Variants in HIVEP2 observed in about 807,000 individuals in gnomAD.
HIVEP2 encodes transcription factor HIVEP2.
Under a neutral mutation model 180.7 loss-of-function variants are expected in HIVEP2, and 14 were observed. That is an observed-to-expected ratio of 0.08 (90% CI 0.05 to 0.12). HIVEP2 has a LOEUF of 0.12. HIVEP2 is among the 10% of genes least tolerant of loss of function. HIVEP2 has a pLI of 1.00. For synonymous variants in HIVEP2, 1,184 were observed against 1,136.4 expected (o/e 1.04, Z -0.84); for missense variants, 2,579 against 3,008.5 (o/e 0.86, Z 3.34).
Position 142,760,175 on chromosome 6 carries a change from T to C in HIVEP2, c.6113A>G (p.Asp2038Gly). 6.2e-7 allele frequency: 1 copy of C among 1,614,074 alleles called. No homozygotes were observed. Among genetic ancestry groups the C allele is most frequent in the Non-Finnish European group, 8.5e-7 (1 of 1,179,990 alleles). ...LPSEPSSSPR[D>G]FSPSSHHSSP... Reference sequence around the variant, plus strand: ...GGAATGGTGGCTTGAGGGTGAGAAGTCCCTGGGAGAGGAGCTTGGCTCTGA... The same window carrying C: ...GGAATGGTGGCTTGAGGGTGAGAAGCCCCTGGGAGAGGAGCTTGGCTCTGA... The change falls in exon 9 of 10, where the codon GAC becomes GGC. Residue 2038 changes from aspartate to glycine, a missense_variant. Transcript: ENST00000367603.
At chr6:142,887,678 A>C (rs1010385967) in intron 1 of HIVEP2, among the ~76,000 whole-genome samples, 1 of 152,194 alleles carries the variant, frequency 6.6e-6, no homozygotes, top group African/African-American at 2.4e-5. Context: ...TTTTTTGTTA[A>C]GAGAAAATGA....
chr6:142,769,881 C>T lies in HIVEP2; in HGVS notation c.4858G>A (p.Ala1620Thr), dbSNP rs930700248. 4 of 1,614,002 alleles carry T rather than the reference C, an allele frequency of 2.5e-6. No homozygotes were observed. In the African/African-American group the frequency reaches 5.3e-5, roughly 22 times the overall value. The change falls in exon 5 of 10, where the codon GCA (alanine) becomes ACA (threonine). Residue 1620 changes from alanine (A) to threonine (T), a missense_variant. Physicochemically the swap from Ala to Thr is moderately conservative, Grantham distance 58. Transcript: ENST00000367603. ...RMASAPSGNV[A>T]DSTLLLTDMA... ...TCCGTGAGAAGAAGAGTTGAGTCTG[C>T]CACGTTCCCGCTGGGGGCAGAGGCC...
intron 3 of HIVEP2, among the ~76,000 whole-genome samples, chr6:142,778,537 A>G (rs1204483045): frequency 6.6e-6 from 1 of 152,216 alleles, no homozygotes; most frequent in African/African-American, 2.4e-5. Flanking sequence ...TTATCATGGT[A>G]TTGATCTATG....
chr6:142,772,361 T>C lies in HIVEP2; in HGVS notation c.2378A>G (p.Lys793Arg). 1 of 1,614,240 alleles carries C rather than the reference T, an allele frequency of 6.2e-7. No individual in the cohort carries two copies. Among genetic ancestry groups the C allele is most frequent in the Non-Finnish European group, 8.5e-7 (1 of 1,180,038 alleles). Residue 793 changes from lysine to arginine, a missense_variant, in exon 5 of 10, where the codon AAA becomes AGA. By Grantham distance (26) the Lys-to-Arg change is conservative. This residue lies in a region of HIVEP2 where 524 missense variants were observed against 563.6 expected (regional missense o/e 0.93). Transcript: ENST00000367603. This position sits in a 1 kb window ranked among gnomAD's most constrained non-coding sequence, Gnocchi z 4.9. ...SDKMSDLGGRKPPGNVISVIQ... is the reference protein window; with the variant it reads ...SDKMSDLGGRRPPGNVISVIQ... ...CACAGAAATCACATTTCCAGGAGGTTTCCTGCCCCCTAGGTCTGACATCTT... is the reference window on the plus strand; with the variant it reads ...CACAGAAATCACATTTCCAGGAGGTCTCCTGCCCCCTAGGTCTGACATCTT...
chr6:142,755,048 G>A (rs1775029257), intron 9 of HIVEP2, among the ~76,000 whole-genome samples: 1 of 152,186 alleles, frequency 6.6e-6, no homozygotes, highest in Non-Finnish European at 1.5e-5. Flanking sequence ...AGTAGTCCAG[G>A]ATAGAGCCAA....
chr6:142,775,778 T>C (rs1775682212), intron 4 of HIVEP2, among the ~76,000 whole-genome samples: 1 of 151,624 alleles, frequency 6.6e-6, no homozygotes, highest in Non-Finnish European at 1.5e-5. Flanking sequence ...GAGGTTGCAG[T>C]GAGCTGACAT....
chr6:142,892,018 T>C (rs992857381), intron 1 of HIVEP2, among the ~76,000 whole-genome samples: 2 of 152,216 alleles, frequency 1.3e-5, no homozygotes, highest in African/African-American at 4.8e-5. Flanking sequence ...AGCTGACACA[T>C]GCAGGCACAG....
At chr6:142,827,737 G>C (rs1191133932) in intron 2 of HIVEP2, among the ~76,000 whole-genome samples, 3 of 152,192 alleles carry the variant, frequency 2.0e-5, no homozygotes, top group Non-Finnish European at 4.4e-5. Context: ...TAAGTGTGGA[G>C]ATCTTTTAAT....
intron 2 of HIVEP2, among the ~76,000 whole-genome samples, chr6:142,825,215 G>A (rs1774851253): frequency 6.6e-6 from 1 of 151,964 alleles, no homozygotes; most frequent in African/African-American, 2.4e-5. Context: ...AGATCTCTAT[G>A]GGGTCTTGAT....
In HIVEP2 at chr6:142,770,952, G is replaced by C; in HGVS notation, c.3787C>G (p.His1263Asp). 6.2e-7 allele frequency: 1 copy of C among 1,614,204 alleles called. No individual in the cohort carries two copies. The highest frequency in any genetic ancestry group is 2.2e-5 in the East Asian group (1 of 44,882). ...TACTCAGCAGGTTTCTTTCCAGTGT[G>C]CTCTGCCACATGCTCTAAGGGATAG... Reference protein sequence around the residue: ...SSYPLEHVAEHTGKKPAEYAH... With the variant: ...SSYPLEHVAEDTGKKPAEYAH... The change falls in exon 5 of 10, where the codon CAC becomes GAC. Residue 1263 changes from histidine to aspartate, a missense_variant. Around this residue, in one of 11 missense-constraint regions of HIVEP2, gnomAD observed 523 missense variants for 577.0 expected, o/e 0.91. Transcript: ENST00000367603. The surrounding 1 kb of genome is among the most constrained non-coding windows in gnomAD (Gnocchi z 4.7).
In HIVEP2 at chr6:142,772,583, G is replaced by A. The variant is rs780128851; in HGVS notation, c.2156C>T (p.Thr719Ile). The A allele has an allele frequency of 5.6e-6, 9 of 1,614,086 alleles. 1 individual carries two copies. The highest frequency in any genetic ancestry group is 5.3e-5 in the African/African-American group (4 of 74,934). ...ATCGGAAGCCATGATGCCCACAGGA[G>A]TGCTTACAATGCTGCTGCAGATCAT... is the stretch of plus-strand genomic sequence containing the variant. ...TPMICSSIVS[T>I]PVGIMASDYD... Residue 719 changes from threonine (T) to isoleucine (I), a missense_variant, in exon 5 of 10, where the codon ACT becomes ATT. Physicochemically the swap from Thr to Ile is moderately conservative, Grantham distance 89 (BLOSUM62 -1). Coordinates refer to ENST00000367603, the MANE Select transcript of HIVEP2 (RefSeq NM_006734.4). This position sits in a 1 kb window ranked among gnomAD's most constrained non-coding sequence, Gnocchi z 4.9.
chr6:142,893,958 C>A (rs575702930), intron 1 of HIVEP2, among the ~76,000 whole-genome samples: 1 of 152,266 alleles, frequency 6.6e-6, no homozygotes, highest in Non-Finnish European at 1.5e-5. Context: ...ATGATAAAGC[C>A]ACACAAATGC....
intron 2 of HIVEP2, among the ~76,000 whole-genome samples, chr6:142,804,143 GA>G (rs369400576): frequency 2.0e-5 from 3 of 152,118 alleles, no homozygotes; most frequent in African/African-American, 7.2e-5. Context: ...ATTTTAATTG[GA>G]AAAATTTTCT....
intron 2 of HIVEP2, among the ~76,000 whole-genome samples, chr6:142,815,396 A>G (rs1207427975): frequency 6.6e-6 from 1 of 152,202 alleles, no homozygotes; most frequent in East Asian, 1.9e-4. Context: ...GAATATTTCA[A>G]GGAGGAGAAA....
chr6:142,754,520 T>C (rs1775012910), intron 9 of HIVEP2, among the ~76,000 whole-genome samples: 1 of 152,132 alleles, frequency 6.6e-6, no homozygotes, highest in African/African-American at 2.4e-5. Flanking sequence ...GTGTAAGACA[T>C]TGGTCTAAAG....
intron 1 of HIVEP2, among the ~76,000 whole-genome samples, chr6:142,903,563 T>C (rs1395213348): frequency 6.6e-6 from 1 of 152,222 alleles, no homozygotes; most frequent in African/African-American, 2.4e-5. Flanking sequence ...TAATGCATTA[T>C]GCATTCCTGC....
At chr6:142,754,105 C>G (rs197477) in intron 9 of HIVEP2, among the ~76,000 whole-genome samples, 174 bp from the exon 10 acceptor site, 105,694 of 152,086 alleles carry the variant, frequency 0.69, 37,157 homozygotes, top group East Asian at 0.83. Context: ...TTTCTCTGTT[C>G]TCTTTTATAA....
chr6:142,810,852 A>G (rs138906239), intron 2 of HIVEP2, among the ~76,000 whole-genome samples: 76 of 152,220 alleles, frequency 5.0e-4, no homozygotes, highest in African/African-American at 1.7e-3. Flanking sequence ...CTGTCTTCAA[A>G]CTGATTTCTG....
chr6:142,883,787 G>A (rs1776632403), intron 1 of HIVEP2, among the ~76,000 whole-genome samples: 1 of 152,100 alleles, frequency 6.6e-6, no homozygotes, highest in Non-Finnish European at 1.5e-5. Flanking sequence ...TAGATGCATT[G>A]TGAAGGCTTA....
Sources: allele counts gnomAD v4.1 joint callset (sites outside exome capture counted in the v4.1 genomes callset), GRCh38; gene constraint gnomAD v4.1.1; regional missense constraint gnomAD v4.1.1; non-coding constraint Gnocchi (gnomAD v3.1); transcripts MANE v1.5; gene names NCBI Gene and HGNC (gene_info 2026-07-23, HGNC 2026-07-21).